Variants in UHRF2 observed in about 807,000 individuals in gnomAD.
UHRF2 encodes E3 ubiquitin-protein ligase UHRF2.
UHRF2 carries 23 observed loss-of-function variants against 96.8 expected under a neutral mutation model. The observed-to-expected ratio is 0.24, with a 90% CI of 0.17 to 0.34. The LOEUF (loss-of-function observed/expected upper bound fraction) is 0.34. UHRF2 is among the 10% of genes least tolerant of loss of function. UHRF2 has a pLI of 1.00. For missense variants in UHRF2, 685 were observed against 981.5 expected, an observed-to-expected ratio of 0.70 and a Z score of 4.04; for synonymous variants, 385 against 332.6, an observed-to-expected ratio of 1.16 and a Z score of -1.72.
intron 9 of UHRF2, among the ~76,000 whole-genome samples, chr9:6,488,887 ACTGCAAC>A (rs1272324494): frequency 6.6e-6 from 1 of 151,584 alleles, no homozygotes; most frequent in African/African-American, 2.4e-5. Context: ...ATTTCGGCTC[ACTGCAAC>A]CTCTGCCTCC....
intron 2 of UHRF2, chr9:6,422,663 G>A: frequency 3.1e-6 from 2 of 648,338 alleles, no homozygotes; most frequent in South Asian, 1.8e-5. Context: ...AGGCTGTAGT[G>A]CAGTGACGTG....
chr9:6,487,093 C>G (rs902723270), intron 9 of UHRF2, among the ~76,000 whole-genome samples, 168 bp downstream of exon 9: 1 of 145,480 alleles, frequency 6.9e-6, no homozygotes, highest in East Asian at 2.0e-4. Context: ...AGTGTTTATT[C>G]TTTACATGTA....
At chr9:6,433,138 CTTTTAAA>C (rs1337403725) in intron 2 of UHRF2, among the ~76,000 whole-genome samples, 9 of 152,268 alleles carry the variant, frequency 5.9e-5, no homozygotes, top group Admixed American at 5.2e-4. Context: ...CTGGCCTGAT[CTTTTAAA>C]CAGCGTTTAA....
rs1824812003 is a variant in UHRF2, at chr9:6,493,766, A to G, written c.1498-60A>G. ...AATGAAATGTTTTGACTCTGAAATA[A>G]GAATTGATGAAATTATACTTGGGTT... On this transcript the variant is annotated intron_variant, in intron 9 of 15. Coordinates refer to ENST00000276893, the MANE Select transcript of UHRF2 (RefSeq NM_152896.3). 3 of 1,415,842 alleles carry G rather than the reference A, an allele frequency of 2.1e-6. No individual in the cohort carries two copies. In the African/African-American group the frequency reaches 4.3e-5, roughly 20 times the overall value. 87.7% of individuals were successfully genotyped at this position (1,415,842 alleles called of 1,614,324 possible).
At chr9:6,478,213 C>A (rs1392585788) in intron 6 of UHRF2, among the ~76,000 whole-genome samples, 1 of 152,216 alleles carries the variant, frequency 6.6e-6, no homozygotes, top group Admixed American at 6.5e-5. Flanking sequence ...TATCTTTCAA[C>A]TCCTTAAGTA....
At chr9:6,477,385 G>T (rs1275624138) in intron 5 of UHRF2, among the ~76,000 whole-genome samples, 1 of 151,896 alleles carries the variant, frequency 6.6e-6, no homozygotes, top group Admixed American at 6.6e-5. Context: ...AATTAGCCAG[G>T]CGTGGTGGCA....
At chr9:6,414,164 CTG>C (rs1487069843) in intron 1 of UHRF2, 1 of 152,314 alleles carries the variant, frequency 6.6e-6, no homozygotes, top group Non-Finnish European at 1.5e-5. Flanking sequence ...TGCTTCCTGA[CTG>C]TGGTAGGATT....
At chr9:6,460,905 A>T (rs1012048637) in intron 4 of UHRF2, 114 bp downstream of exon 4, 1 of 772,450 alleles carries the variant, frequency 1.3e-6, no homozygotes, top group African/African-American at 1.8e-5. Context: ...AAAAGATGGA[A>T]ATTTCCATAC....
chr9:6,423,946 A>G (rs891959260), intron 2 of UHRF2, among the ~76,000 whole-genome samples: 2 of 147,550 alleles, frequency 1.4e-5, no homozygotes, highest in Non-Finnish European at 3.0e-5. Context: ...CTCAGTATCA[A>G]AAAAAATAAA....
chr9:6,427,972 G>T (rs777624018), intron 2 of UHRF2, among the ~76,000 whole-genome samples: 11 of 152,184 alleles, frequency 7.2e-5, no homozygotes, highest in South Asian at 2.1e-4. Flanking sequence ...TTTAATTTTG[G>T]TTTTTGTGTA....
At chr9:6,420,092 T>C (rs932691566) in intron 1 of UHRF2, among the ~76,000 whole-genome samples, 1 of 151,578 alleles carries the variant, frequency 6.6e-6, no homozygotes, top group Non-Finnish European at 1.5e-5. Context: ...AGTCTCCCTC[T>C]GTTGCCCAGG....
intron 3 of UHRF2, among the ~76,000 whole-genome samples, chr9:6,441,004 C>T (rs1821130705): frequency 1.3e-5 from 2 of 152,144 alleles, no homozygotes; most frequent in African/African-American, 2.4e-5. Context: ...AATGTCTAGC[C>T]ATGGTTGAGA....
At chr9:6,431,241 A>G (rs1448158442) in intron 2 of UHRF2, among the ~76,000 whole-genome samples, 2 of 152,090 alleles carry the variant, frequency 1.3e-5, no homozygotes, top group Non-Finnish European at 2.9e-5. Context: ...GTCCCCACCC[A>G]GTTTATGTGC....
intron 3 of UHRF2, among the ~76,000 whole-genome samples, chr9:6,437,846 G>T (rs1820941480): frequency 6.6e-6 from 1 of 151,998 alleles, no homozygotes; most frequent in Non-Finnish European, 1.5e-5. Flanking sequence ...TTGAATTCCT[G>T]ATCTCAAACA....
intron 5 of UHRF2, among the ~76,000 whole-genome samples, chr9:6,476,613 T>C (rs896281343): frequency 6.6e-6 from 1 of 152,140 alleles, no homozygotes; most frequent in African/African-American, 2.4e-5. Flanking sequence ...TTTTTTGTTT[T>C]GAGACAGTTT....
At chr9:6,426,234 A>G (rs906435932) in intron 2 of UHRF2, among the ~76,000 whole-genome samples, 8 of 152,228 alleles carry the variant, frequency 5.3e-5, no homozygotes, top group African/African-American at 1.9e-4. Context: ...TTTGGCTGTG[A>G]ACTACAGAAT....
intron 13 of UHRF2, 73 bp downstream of exon 13, chr9:6,500,004 C>G: frequency 8.3e-7 from 1 of 1,201,350 alleles, no homozygotes; most frequent in Non-Finnish European, 1.2e-6. Context: ...CGGGGTCTCA[C>G]TCTTGTCACC....
intron 3 of UHRF2, among the ~76,000 whole-genome samples, chr9:6,457,005 C>G (rs1822222997): frequency 1.3e-5 from 2 of 152,182 alleles, no homozygotes; most frequent in East Asian, 1.9e-4. Context: ...TTTTTTAGTT[C>G]CATATGAAAT....
intron 6 of UHRF2, 115 bp downstream of exon 6, chr9:6,477,923 T>C (rs768577002): frequency 1.1e-4 from 95 of 899,438 alleles, no homozygotes; most frequent in Admixed American, 2.2e-4. Context: ...CTTAAAATGT[T>C]ATGGCCAGTG....
Sources: allele counts gnomAD v4.1 joint callset (sites outside exome capture counted in the v4.1 genomes callset), GRCh38; gene constraint gnomAD v4.1.1; transcripts MANE v1.5; gene names NCBI Gene and HGNC (gene_info 2026-07-23, HGNC 2026-07-21).